Variants in LOXHD1 observed in about 807,000 individuals in gnomAD.
The protein encoded by LOXHD1 is lipoxygenase homology domain-containing protein 1.
Under a neutral mutation model 248.2 loss-of-function variants are expected in LOXHD1, and 205 were observed. The ratio of observed to expected loss-of-function variants is 0.83; its 90% confidence interval spans 0.74 to 0.93. LOXHD1 has a LOEUF of 0.93. Ranked by LOEUF, LOXHD1 falls within the 40% of genes least tolerant of loss-of-function variation. The probability of loss-of-function intolerance (pLI) is 0.00; values close to 1 mark genes in which losing one functional copy is unlikely to be tolerated. For missense variants in LOXHD1, 2,930 were observed against 2,971.6 expected, an observed-to-expected ratio of 0.99 and a Z score of 0.33; for synonymous variants, 1,113 against 1,162.8, an observed-to-expected ratio of 0.96 and a Z score of 0.87.
intron 17 of LOXHD1, among the ~76,000 whole-genome samples, chr18:46,564,465 A>G (rs536422246): frequency 1.3e-5 from 2 of 152,260 alleles, no homozygotes; most frequent in African/African-American, 4.8e-5. Flanking sequence ...CTGGGAGTCA[A>G]GGCTGCAATG....
At chr18:46,497,229 C>T (rs1034734610) in intron 37 of LOXHD1, among the ~76,000 whole-genome samples, 1 of 152,060 alleles carries the variant, frequency 6.6e-6, no homozygotes, top group Non-Finnish European at 1.5e-5. Context: ...TTTGGTTATC[C>T]AAAGTGGTGG....
Position 46,529,283 on chromosome 18 carries a change from C to T in LOXHD1, c.4424G>A (p.Gly1475Glu). 1 of 1,551,684 alleles carries T rather than the reference C, an allele frequency of 6.4e-7. No homozygotes were observed. The part of the protein sequence containing the change: ...QIFTGNIPGA[G>E]TDAKVYITIY... ...GGTGATGTACACCTTGGCATCCGTC[C>T]CTGCCCCAGGAATGTTCCCTGTGAA... Residue 1475 changes from glycine to glutamate, a missense_variant, in exon 29 of 41, where the codon GGG becomes GAG. Gly to Glu is a moderately conservative substitution (Grantham distance 98). Transcript: ENST00000642948.
chr18:46,648,565 T>C (rs891277467), intron 2 of LOXHD1, among the ~76,000 whole-genome samples: 1 of 152,224 alleles, frequency 6.6e-6, no homozygotes, highest in Non-Finnish European at 1.5e-5. Flanking sequence ...TTTGCATGTA[T>C]GTTGGTGTAT....
chr18:46,534,594 G>T (rs1485180686), intron 26 of LOXHD1, 143 bp from the exon 27 acceptor site: 2 of 677,426 alleles, frequency 3.0e-6, no homozygotes, highest in Non-Finnish European at 5.3e-6. Context: ...AGCCAGGCCA[G>T]CTCCCATTGT....
intron 5 of LOXHD1, among the ~76,000 whole-genome samples, chr18:46,616,726 CT>C (rs1298382990): frequency 6.6e-6 from 1 of 152,118 alleles, no homozygotes; most frequent in Non-Finnish European, 1.5e-5. Flanking sequence ...GATAACCTAG[CT>C]GGTATAGAAT....
chr18:46,512,636 G>A (rs1360209529), intron 34 of LOXHD1, among the ~76,000 whole-genome samples: 1 of 152,208 alleles, frequency 6.6e-6, no homozygotes, highest in Non-Finnish European at 1.5e-5. Context: ...CTCTACTGAT[G>A]GGGCTCCATG....
At chr18:46,639,905 C>CTGT (rs943924690) in intron 3 of LOXHD1, 105 bp from the exon 4 acceptor site, 4 of 1,374,578 alleles carry the variant, frequency 2.9e-6, no homozygotes, top group African/African-American at 2.9e-5. Context: ...TCCAATTATT[C>CTGT]TGTTGTTGTT....
intron 4 of LOXHD1, among the ~76,000 whole-genome samples, chr18:46,632,426 T>C (rs1331698720): frequency 6.6e-6 from 1 of 152,156 alleles, no homozygotes. Context: ...CAAGAGGGCA[T>C]TGCCAACAGC....
In LOXHD1 at chr18:46,538,152, G is replaced by A. The variant is rs150355715; in HGVS notation, c.4095+4C>T. 1 of 1,529,038 alleles carries A rather than the reference G, an allele frequency of 6.5e-7. No individual in the cohort carries two copies. The highest frequency in any genetic ancestry group is 8.9e-7 in the Non-Finnish European group (1 of 1,128,576). 94.7% of individuals were successfully genotyped at this position (1,529,038 alleles called of 1,614,324 possible). ...TCCCTGGACAGCCTGCTGAGCCCAA[G>A]TACCTCTACGATGAAGCGGGAGGCA... On this transcript the variant is annotated splice_donor_region_variant and intron_variant, in intron 26 of 40. Coordinates refer to ENST00000642948, the MANE Select transcript of LOXHD1 (RefSeq NM_001384474.1).
At chr18:46,650,881 G>C (rs1394279738) in intron 1 of LOXHD1, among the ~76,000 whole-genome samples, 1 of 152,250 alleles carries the variant, frequency 6.6e-6, no homozygotes, top group East Asian at 1.9e-4. Context: ...CCTCCACTTT[G>C]AGCAAGGTGA....
At chr18:46,547,150 G>A (rs1161236024) in intron 21 of LOXHD1, 92 bp from the exon 22 acceptor site, 4 of 1,443,480 alleles carry the variant, frequency 2.8e-6, no homozygotes, top group African/African-American at 1.4e-5. Flanking sequence ...GCCCTCTATG[G>A]GGTCCCAAAC....
At chr18:46,534,023 G>A (rs1434405714) in intron 27 of LOXHD1, among the ~76,000 whole-genome samples, 1 of 152,180 alleles carries the variant, frequency 6.6e-6, no homozygotes, top group Non-Finnish European at 1.5e-5. Flanking sequence ...GTTGTCTGGG[G>A]TGGATTTTCT....
At chr18:46,478,532 C>T (rs2032241624) in intron 40 of LOXHD1, among the ~76,000 whole-genome samples, 1 of 152,142 alleles carries the variant, frequency 6.6e-6, no homozygotes, top group Non-Finnish European at 1.5e-5. Context: ...GCCATGTGAT[C>T]CTATTGAGAG....
chr18:46,519,731 T>G (rs995698496), intron 33 of LOXHD1, among the ~76,000 whole-genome samples: 1 of 152,192 alleles, frequency 6.6e-6, no homozygotes, highest in Non-Finnish European at 1.5e-5. Context: ...CGTCCGACTC[T>G]TGTGTTCTCT....
chr18:46,637,316 G>C (rs1028546237), intron 4 of LOXHD1, among the ~76,000 whole-genome samples: 14 of 152,174 alleles, frequency 9.2e-5, no homozygotes, highest in African/African-American at 3.1e-4. Context: ...ACTAGGTCAG[G>C]GGGTGTCTAC....
intron 4 of LOXHD1, among the ~76,000 whole-genome samples, chr18:46,625,063 A>C (rs1418075007): frequency 6.6e-6 from 1 of 152,140 alleles, no homozygotes; most frequent in Non-Finnish European, 1.5e-5. Context: ...GGAGCTTAAG[A>C]AGCTTGATGG....
chr18:46,533,140 A>T (rs988899812), intron 28 of LOXHD1, 22 bp downstream of exon 28: 9 of 1,551,110 alleles, frequency 5.8e-6, no homozygotes, highest in Middle Eastern at 1.7e-4. Flanking sequence ...CATGGTGATG[A>T]GGGTGGCCAC....
intron 6 of LOXHD1, 36 bp from the exon 7 acceptor site, chr18:46,604,265 G>C (rs1362558631): frequency 6.4e-7 from 1 of 1,550,572 alleles, no homozygotes; most frequent in Non-Finnish European, 8.7e-7. Flanking sequence ...ATGTAGATAA[G>C]TGTTGTTGAG....
chr18:46,524,520 C>T lies in LOXHD1; in HGVS notation c.4822G>A (p.Val1608Ile), dbSNP rs140042576. The T allele has an allele frequency of 3.7e-4, 573 of 1,551,754 alleles. 1 individual carries two copies. In the African/African-American group the frequency reaches 7.1e-3, roughly 19 times the overall value. Residue 1608 changes from valine (V) to isoleucine (I), a missense_variant, in exon 31 of 41, where the codon GTC (valine) becomes ATC (isoleucine). Coordinates refer to ENST00000642948, the MANE Select transcript of LOXHD1 (RefSeq NM_001384474.1). ...GGCCCGGTCACTGTGCTGATGTCGA[C>T]ATCGGCCATCTTGGAGCTCAGGGCG... is the stretch of plus-strand genomic sequence containing the variant. The part of the protein sequence containing the change: ...EIALSSKMAD[V>I]DISTVTGPMA...
Sources: allele counts gnomAD v4.1 joint callset (sites outside exome capture counted in the v4.1 genomes callset), GRCh38; gene constraint gnomAD v4.1.1; transcripts MANE v1.5; gene names NCBI Gene and HGNC (gene_info 2026-07-23, HGNC 2026-07-21).